The following UBR1 variants were observed in gnomAD, a reference collection of about 807,000 sequenced individuals.
The protein encoded by UBR1 is E3 ubiquitin-protein ligase UBR1.
Under a neutral mutation model 242.1 loss-of-function variants are expected in UBR1, and 102 were observed. The ratio of observed to expected loss-of-function variants is 0.42; its 90% confidence interval spans 0.36 to 0.50. The LOEUF is 0.50. Among genes scored for constraint, UBR1 ranks in the 20% least tolerant of loss-of-function variants. The pLI is 0.01. For missense variants in UBR1, 1,772 were observed against 2,101.8 expected (o/e 0.84, Z 3.07); for synonymous variants, 675 against 684.8 (o/e 0.99, Z 0.22).
intron 35 of UBR1, among the ~76,000 whole-genome samples, chr15:42,987,170 G>A (rs2032477624): frequency 6.6e-6 from 1 of 152,234 alleles, no homozygotes; most frequent in Non-Finnish European, 1.5e-5. Flanking sequence ...AGTCCCCCTG[G>A]GGCAGCAACT....
chr15:43,047,326 G>C, intron 13 of UBR1, 37 bp from the exon 14 acceptor site: 1 of 1,613,766 alleles, frequency 6.2e-7, no homozygotes, highest in Non-Finnish European at 8.5e-7. Context: ...ACCTATCTGA[G>C]CCCTCTCTCT....
In UBR1 at chr15:42,976,877, A is replaced by G; in HGVS notation, c.4219-10T>C. ...CTAACACAGCACCCACCTATGAGAGAAAAATGGACATCAATATGGCTAATG... is the reference window on the plus strand; with the variant it reads ...CTAACACAGCACCCACCTATGAGAGGAAAATGGACATCAATATGGCTAATG... On this transcript the variant is annotated splice_polypyrimidine_tract_variant and intron_variant, in intron 38 of 46. Coordinates refer to ENST00000290650, the MANE Select transcript of UBR1 (RefSeq NM_174916.3). 2 of 1,612,558 alleles carry G rather than the reference A, an allele frequency of 1.2e-6. No individual in the cohort carries two copies. Among genetic ancestry groups the G allele is most frequent in the Non-Finnish European group, 1.7e-6 (2 of 1,179,124 alleles).
At chr15:43,046,777 T>C (rs1383676202) in intron 14 of UBR1, among the ~76,000 whole-genome samples, 1 of 152,234 alleles carries the variant, frequency 6.6e-6, no homozygotes, top group Non-Finnish European at 1.5e-5. Context: ...ACATTAGTTC[T>C]ATAGTTTGAA....
intron 16 of UBR1, 45 bp from the exon 17 acceptor site, chr15:43,037,928 G>T (rs1382794041): frequency 2.6e-6 from 4 of 1,544,370 alleles, no homozygotes; most frequent in Non-Finnish European, 3.6e-6. Context: ...ACAGAGCTTA[G>T]ATGTGTCTCC....
chr15:43,009,302 T>A (rs1462352377), intron 29 of UBR1, among the ~76,000 whole-genome samples: 1 of 152,240 alleles, frequency 6.6e-6, no homozygotes, highest in African/African-American at 2.4e-5. Context: ...CTGGTGCATA[T>A]GATCCAGCTG....
At chr15:42,996,330 C>T (rs1377190002) in intron 33 of UBR1, among the ~76,000 whole-genome samples, 1 of 152,156 alleles carries the variant, frequency 6.6e-6, no homozygotes, top group African/African-American at 2.4e-5. Flanking sequence ...GGCACACTGG[C>T]TCATGCCTGT....
intron 46 of UBR1, among the ~76,000 whole-genome samples, chr15:42,947,854 A>G (rs901760044): frequency 6.6e-6 from 1 of 152,204 alleles, no homozygotes; most frequent in Non-Finnish European, 1.5e-5. Context: ...AAATGGCCAT[A>G]CTGCCCAAGG....
chr15:42,984,927 T>A lies in UBR1; in HGVS notation c.4013A>T (p.Asp1338Val), dbSNP rs372661227. ...TGCTCCAAACAGAGGTTTTCCTTCA[T>A]CTCCCAATAGATTTTCTCAAAGAAT... ...TIQAIENLLG[D>V]EGKPLFGALQ... The change falls in exon 36 of 47, where the codon GAT becomes GTT. Residue 1338 changes from aspartate (D) to valine (V), a missense_variant. Physicochemically the swap from Asp to Val is radical, Grantham distance 152 (BLOSUM62 -3). Coordinates refer to ENST00000290650, the MANE Select transcript of UBR1 (RefSeq NM_174916.3). 1.1e-5 allele frequency: 18 copies of A among 1,610,338 alleles called. No homozygotes were observed. The African/African-American group carries it at 2.3e-4, about 20-fold the overall frequency.
chr15:43,056,875 A>T (rs1157579578), intron 10 of UBR1, among the ~76,000 whole-genome samples: 1 of 152,214 alleles, frequency 6.6e-6, no homozygotes, highest in African/African-American at 2.4e-5. Flanking sequence ...ATCAGATTGA[A>T]TCCAGCCTTA....
intron 1 of UBR1, among the ~76,000 whole-genome samples, chr15:43,096,391 A>C (rs2034161735): frequency 6.6e-6 from 1 of 151,872 alleles, no homozygotes. Flanking sequence ...CAAACTCCTG[A>C]CCTTAGGCAA....
intron 14 of UBR1, among the ~76,000 whole-genome samples, chr15:43,046,574 C>A (rs563616559): frequency 1.3e-5 from 2 of 151,940 alleles, no homozygotes; most frequent in Admixed American, 1.3e-4. Context: ...ATAGTGAAGA[C>A]GCAGAAAAAC....
intron 1 of UBR1, among the ~76,000 whole-genome samples, chr15:43,096,057 C>G (rs1201374945): frequency 9.2e-5 from 14 of 152,156 alleles, no homozygotes; most frequent in Non-Finnish European, 1.3e-4. Flanking sequence ...TAATGATCAT[C>G]TGAGTCTTTA....
In UBR1 at chr15:42,990,476, C is replaced by G. The variant is rs1020727694; in HGVS notation, c.3758-356G>C. Among the ~76,000 whole-genome samples the G allele has an allele frequency of 2.0e-5, 3 of 152,278 alleles. No individual in the cohort carries two copies. In the South Asian group the frequency reaches 6.2e-4, roughly 32 times the overall value. On this transcript the variant is annotated intron_variant, in intron 33 of 46. Transcript: ENST00000290650. ...ACATGAGCCACTGTGCCCAAGCTTT[C>G]TAGCTTTTTAATACTATACATGATC...
chr15:42,954,246 G>A (rs2031881614), intron 44 of UBR1, among the ~76,000 whole-genome samples: 1 of 152,152 alleles, frequency 6.6e-6, no homozygotes, highest in Non-Finnish European at 1.5e-5. Context: ...TGGTAGCAAT[G>A]TAGCCCCAAG....
Position 43,105,943 on chromosome 15 carries a change from G to A in UBR1, c.80C>T (p.Ser27Phe). The A allele has an allele frequency of 6.2e-7, 1 of 1,613,938 alleles. No homozygotes were observed. Among genetic ancestry groups the A allele is most frequent in the Non-Finnish European group, 8.5e-7 (1 of 1,179,934 alleles). ...ELPQTPQRLASWWDQQVDFYT... is the reference protein window; with the variant it reads ...ELPQTPQRLAFWWDQQVDFYT... ...AGAGACTTGCCTATAGGGACTTACAGATGCCAGACGCTGAGGGGTCTGGGG... is the reference window on the plus strand; with the variant it reads ...AGAGACTTGCCTATAGGGACTTACAAATGCCAGACGCTGAGGGGTCTGGGG... Residue 27 changes from serine to phenylalanine, a missense_variant and splice_region_variant, in exon 1 of 47, where the codon TCT becomes TTT. Coordinates refer to ENST00000290650, the MANE Select transcript of UBR1 (RefSeq NM_174916.3).
At chr15:43,012,130 G>GCA (rs1447207157) in intron 29 of UBR1, among the ~76,000 whole-genome samples, 29 of 152,178 alleles carry the variant, frequency 1.9e-4, no homozygotes, top group African/African-American at 6.5e-4. Flanking sequence ...GGGAGGCTGA[G>GCA]GCAGGAGAAT....
intron 4 of UBR1, 50 bp from the exon 5 acceptor site, chr15:43,070,975 A>G: frequency 6.3e-7 from 1 of 1,599,390 alleles, no homozygotes; most frequent in African/African-American, 1.3e-5. Flanking sequence ...ATACAAATAA[A>G]TGGATAAGGA....
At chr15:42,955,393 G>A (rs774375770) in intron 44 of UBR1, among the ~76,000 whole-genome samples, 12 of 152,144 alleles carry the variant, frequency 7.9e-5, no homozygotes, top group Non-Finnish European at 1.2e-4. Context: ...GCTGCATAAT[G>A]CTTAGTAATA....
chr15:43,067,982 A>G lies in UBR1; in HGVS notation c.714T>C (p.Tyr238=). The change falls in exon 6 of 47, where the codon TAT becomes TAC. Residue 238 remains tyrosine (Y), a synonymous_variant. Transcript: ENST00000290650. ...CVLFNDEHHS[Y]DHVIYSLQRA... ...TTTGTAGGCTGTATATGACGTGGTC[A>G]TATGAATGGTGTTCATCATTGAAAA... The G allele has an allele frequency of 1.2e-6, 2 of 1,613,434 alleles. No homozygotes were observed. The highest frequency in any genetic ancestry group is 1.7e-6 in the Non-Finnish European group (2 of 1,179,696).
Sources: allele counts gnomAD v4.1 joint callset (sites outside exome capture counted in the v4.1 genomes callset), GRCh38; gene constraint gnomAD v4.1.1; transcripts MANE v1.5; gene names NCBI Gene and HGNC (gene_info 2026-07-23, HGNC 2026-07-21).